The following NAALADL2 variants were observed in gnomAD, a reference collection of about 807,000 sequenced individuals.
The protein encoded by NAALADL2 is N-acetylated alpha-linked acidic dipeptidase like 2.
NAALADL2 carries 76 observed loss-of-function variants against 87.2 expected under a neutral mutation model. That is an observed-to-expected ratio of 0.87 (90% CI 0.72 to 1.05). NAALADL2 has a LOEUF of 1.05. Ranked by LOEUF, NAALADL2 falls within the 50% of genes least tolerant of loss-of-function variation. NAALADL2 has a pLI of 0.00. For synonymous variants in NAALADL2, 354 were observed against 331.0 expected (o/e 1.07, Z -0.75); for missense variants, 1,089 against 945.8 (o/e 1.15, Z -1.99).
chr3:175,343,321 A>C (rs1762758527), intron 5 of NAALADL2, among the ~76,000 whole-genome samples: 1 of 152,138 alleles, frequency 6.6e-6, no homozygotes, highest in Non-Finnish European at 1.5e-5. Flanking sequence ...CACATGAAAA[A>C]AAATGAAGTT....
At chr3:175,399,862 G>A (rs895432235) in intron 5 of NAALADL2, among the ~76,000 whole-genome samples, 1 of 152,004 alleles carries the variant, frequency 6.6e-6, no homozygotes, top group Non-Finnish European at 1.5e-5. Flanking sequence ...TTTATGTCTT[G>A]CCCACTTTCC....
chr3:175,638,922 G>A (rs1009582873), intron 11 of NAALADL2, among the ~76,000 whole-genome samples: 2 of 152,150 alleles, frequency 1.3e-5, no homozygotes, highest in African/African-American at 4.8e-5. Flanking sequence ...AGTTGTTCTT[G>A]TGTGTACTTT....
chr3:175,718,220 T>TTTTTTTTTTTTTG, intron 11 of NAALADL2: 1 of 1,021,166 alleles, frequency 9.8e-7, no homozygotes. Flanking sequence ...TTTTTTTTTT[T>TTTTTTTTTTTTTG]TTTGATTAGT....
intron 12 of NAALADL2, 121 bp downstream of exon 12, chr3:175,737,520 G>A (rs1035572347): frequency 9.0e-5 from 59 of 653,144 alleles, no homozygotes; most frequent in Non-Finnish European, 1.5e-4. Flanking sequence ...GCTTCCTGGA[G>A]AGGCTGATCC....
At chr3:174,990,002 C>T (rs1244962130) in intron 1 of NAALADL2, among the ~76,000 whole-genome samples, 4 of 151,844 alleles carry the variant, frequency 2.6e-5, no homozygotes, top group Non-Finnish European at 5.9e-5. Context: ...TTATAAATTC[C>T]TCATGAAAAC....
At chr3:174,599,997 G>T (rs1718282419) in intron 2 of NAALADL2, among the ~76,000 whole-genome samples, 1 of 151,990 alleles carries the variant, frequency 6.6e-6, no homozygotes, top group South Asian at 2.1e-4. Flanking sequence ...AGAATTCAGT[G>T]CTAGCTTCAA....
At chr3:175,542,780 C>T (rs1336624978) in intron 9 of NAALADL2, among the ~76,000 whole-genome samples, 6 of 152,200 alleles carry the variant, frequency 3.9e-5, no homozygotes, top group Non-Finnish European at 7.4e-5. Flanking sequence ...CATGTTGTTC[C>T]GGGGCCAACT....
chr3:175,721,298 A>C (rs946585231), intron 11 of NAALADL2, among the ~76,000 whole-genome samples: 1 of 152,120 alleles, frequency 6.6e-6, no homozygotes, highest in African/African-American at 2.4e-5. Flanking sequence ...AAGCTAATAT[A>C]CTTCAAGAAG....
intron 5 of NAALADL2, among the ~76,000 whole-genome samples, chr3:175,364,421 C>T (rs1256751285): frequency 6.8e-6 from 1 of 147,748 alleles, no homozygotes; most frequent in Non-Finnish European, 1.5e-5. Flanking sequence ...ATTTCAGGTT[C>T]TGAGGAATTG....
chr3:175,471,385 G>C (rs919459702), intron 8 of NAALADL2, among the ~76,000 whole-genome samples: 2 of 150,460 alleles, frequency 1.3e-5, no homozygotes, highest in African/African-American at 4.9e-5. Flanking sequence ...TGAGGCAGGA[G>C]AATGGCGTGA....
At chr3:174,752,500 C>G (rs1560195680) in intron 3 of NAALADL2, among the ~76,000 whole-genome samples, 2 of 151,816 alleles carry the variant, frequency 1.3e-5, no homozygotes, top group African/African-American at 4.8e-5. Context: ...GATTATTACT[C>G]TTAAATTAAC....
At chr3:175,518,827 A>C (rs1477432287) in intron 9 of NAALADL2, among the ~76,000 whole-genome samples, 1 of 152,228 alleles carries the variant, frequency 6.6e-6, no homozygotes, top group Non-Finnish European at 1.5e-5. Flanking sequence ...GTGGGGATTA[A>C]GTTTCGTAGA....
chr3:175,103,459 G>T (rs1275874895), intron 2 of NAALADL2, among the ~76,000 whole-genome samples: 1 of 152,050 alleles, frequency 6.6e-6, no homozygotes, highest in Non-Finnish European at 1.5e-5. Context: ...TGGCTTTAAT[G>T]ACATTAAACT....
intron 9 of NAALADL2, among the ~76,000 whole-genome samples, chr3:175,547,191 A>C (rs1713480789): frequency 6.6e-6 from 1 of 152,158 alleles, no homozygotes; most frequent in Admixed American, 6.5e-5. Flanking sequence ...GTAACCAAAC[A>C]GCATGGTACT....
At chr3:175,597,055 G>A (rs979236462) in intron 10 of NAALADL2, among the ~76,000 whole-genome samples, 1 of 151,986 alleles carries the variant, frequency 6.6e-6, no homozygotes, top group African/African-American at 2.4e-5. Flanking sequence ...ATCCTCTTTA[G>A]AGAGAATGCA....
chr3:175,435,984 A>G (rs1224952744), intron 5 of NAALADL2, among the ~76,000 whole-genome samples: 21 of 136,372 alleles, frequency 1.5e-4, no homozygotes, highest in Non-Finnish European at 2.7e-4. Flanking sequence ...ATATCTCCCA[A>G]TGCTATCCCT....
At chr3:175,086,094 A>AGG (rs1158070788) in intron 1 of NAALADL2, among the ~76,000 whole-genome samples, 1 of 152,242 alleles carries the variant, frequency 6.6e-6, no homozygotes, top group African/African-American at 2.4e-5. Context: ...CAGCAGGTTA[A>AGG]GGATAAGTCA....
chr3:175,369,377 A>C (rs1401048593), intron 5 of NAALADL2, among the ~76,000 whole-genome samples: 2 of 149,196 alleles, frequency 1.3e-5, no homozygotes, highest in African/African-American at 5.0e-5. Flanking sequence ...CATACACCTG[A>C]TATGTGCATG....
rs543760472 is a variant in NAALADL2 at position 175,303,783 on chromosome 3, G to GA, written c.940-20385dup. ...AAATAAATATTACAGCAGTTTCTGTGAAAAAAATTTACAAGTCTGAAATGA... is the reference window on the plus strand; with the variant it reads ...AAATAAATATTACAGCAGTTTCTGTGAAAAAAAATTTACAAGTCTGAAATGA... On this transcript the variant is annotated intron_variant, in intron 4 of 13. Transcript: ENST00000454872. Among the ~76,000 whole-genome samples, 70 of 152,110 alleles carry GA rather than the reference G, an allele frequency of 4.6e-4. 1 individual carries two copies. Among genetic ancestry groups the GA allele is most frequent in the African/African-American group, 1.5e-3 (63 of 41,516 alleles).
Sources: allele counts gnomAD v4.1 joint callset (sites outside exome capture counted in the v4.1 genomes callset), GRCh38; gene constraint gnomAD v4.1.1; transcripts MANE v1.5; gene names NCBI Gene and HGNC (gene_info 2026-07-23, HGNC 2026-07-21).